PPFIA4: variants seen among roughly 807,000 people sequenced by gnomAD.
The protein encoded by PPFIA4 is PPFI scaffold protein A4.
In PPFIA4, 98 loss-of-function variants were observed where a neutral mutation model predicts 145.7. The ratio of observed to expected loss-of-function variants is 0.67; its 90% CI spans 0.57 to 0.80. The LOEUF is 0.80. PPFIA4 is among the 30% of genes least tolerant of loss of function. The pLI is 0.00. For missense variants in PPFIA4, 1,457 were observed against 1,632.7 expected (o/e 0.89, Z 1.85); for synonymous variants, 628 against 649.6 (o/e 0.97, Z 0.51).
intron 27 of PPFIA4, among the ~76,000 whole-genome samples, chr1:203,069,385 T>A (rs1179905595): frequency 6.6e-6 from 1 of 152,238 alleles, no homozygotes; most frequent in Non-Finnish European, 1.5e-5. Flanking sequence ...CTTGATGGTT[T>A]AGGTTTGGTA....
At chr1:203,059,336 G>C in intron 20 of PPFIA4, 65 bp downstream of exon 20, 1 of 1,343,660 alleles carries the variant, frequency 7.4e-7, no homozygotes, top group Non-Finnish European at 1.0e-6. Context: ...CCCTTCCCCT[G>C]GGCTGCTGTG....
chr1:203,037,819 C>G (rs1174941684), intron 1 of PPFIA4, among the ~76,000 whole-genome samples: 1 of 152,288 alleles, frequency 6.6e-6, no homozygotes, highest in Non-Finnish European at 1.5e-5. Flanking sequence ...GAGTGGCACC[C>G]TGCACCTCTA....
Position 203,056,392 on chromosome 1 carries a change from A to G in PPFIA4, c.2124A>G (p.Glu708=), listed in dbSNP as rs199926144. The change falls in exon 18 of 30, where the codon GAA becomes GAG. Residue 708 remains glutamate, a synonymous_variant. Transcript: ENST00000295706. ...RRKLLSPVSR[E]ENREDKATIK... ...CTGTTCAGTCGCCAGTGTCTCGGGA[A>G]GAGAACCGAGAGGATAAAGCCACCA... The G allele has an allele frequency of 3.1e-6, 5 of 1,613,954 alleles. No individual in the cohort carries two copies. The African/African-American group carries it at 4.0e-5, about 13-fold the overall frequency.
At chr1:203,033,907 C>T (rs953151509) in intron 1 of PPFIA4, among the ~76,000 whole-genome samples, 5 of 152,150 alleles carry the variant, frequency 3.3e-5, no homozygotes, top group South Asian at 2.1e-4. Context: ...CACTTGAACC[C>T]GGGAGGTGGC....
At chr1:203,064,050 C>T in intron 25 of PPFIA4, 47 bp downstream of exon 25, 1 of 1,583,036 alleles carries the variant, frequency 6.3e-7, no homozygotes, top group Non-Finnish European at 8.6e-7. Context: ...GGGGGCCTCC[C>T]CTAGCTCTGA....
At chr1:203,066,527 T>C (rs1046225342) in intron 25 of PPFIA4, among the ~76,000 whole-genome samples, 1 of 152,188 alleles carries the variant, frequency 6.6e-6, no homozygotes, top group Non-Finnish European at 1.5e-5. Flanking sequence ...CTACAGCTCT[T>C]CCAAGATGGA....
At chr1:203,044,669 C>T (rs768722443) in intron 5 of PPFIA4, 27 bp from the exon 6 acceptor site, 1 of 1,535,384 alleles carries the variant, frequency 6.5e-7, no homozygotes, top group South Asian at 1.2e-5. Context: ...CTCTTTGACT[C>T]ATTGCCCTGG....
At position 203,059,255 on chromosome 1, in the gene PPFIA4, C is replaced by T. The variant is rs896266327; in HGVS notation, c.2485C>T (p.Arg829Trp). The T allele has an allele frequency of 9.1e-6, 14 of 1,536,470 alleles. No individual in the cohort carries two copies. In the East Asian group the frequency reaches 9.5e-5, roughly 10 times the overall value. Reference protein sequence around the residue: ...AKLGTQAEKDRRLKKKHQLLE... With the variant: ...AKLGTQAEKDWRLKKKHQLLE... ...GCTGGGGACCCAGGCAGAGAAGGAC[C>T]GGCGGCTAAAGAAGAAGTAAGAGCC... The change falls in exon 20 of 30, where the codon CGG becomes TGG. Residue 829 changes from arginine (R) to tryptophan (W), a missense_variant. Around this residue, in one of 3 missense-constraint regions of PPFIA4, gnomAD observed 848 missense variants for 1,046.7 expected, o/e 0.81. Transcript: ENST00000295706.
intron 28 of PPFIA4, among the ~76,000 whole-genome samples, chr1:203,074,710 T>G (rs143115048): frequency 2.4e-4 from 36 of 152,066 alleles, no homozygotes; most frequent in African/African-American, 8.7e-4. Flanking sequence ...GGAGGGAGAT[T>G]GGGCATGGCT....
intron 1 of PPFIA4, chr1:203,037,318 A>G (rs954963535): frequency 6.0e-6 from 1 of 166,286 alleles, no homozygotes. Flanking sequence ...GTCCACCCTG[A>G]CCCTCCTAGT....
Position 203,039,113 on chromosome 1 carries a change from C to T in PPFIA4, c.105C>T (p.Asp35=), listed in dbSNP as rs561732914. Residue 35 remains aspartate, a synonymous_variant, in exon 2 of 30, where the codon GAC becomes GAT. Coordinates refer to ENST00000295706, the MANE Select transcript of PPFIA4 (RefSeq NM_001304331.2). ...AGCAGCTGATGGTGAACATGCTGGA[C>T]GAGCGGGAGAAGTTGCTGGAGTCTC... ...NFEQLMVNML[D]EREKLLESLR... is the part of the protein sequence containing the mutation. The T allele has an allele frequency of 2.1e-5, 34 of 1,607,906 alleles. No individual in the cohort carries two copies. Among genetic ancestry groups the T allele is most frequent in the Admixed American group, 1.2e-4 (7 of 59,254 alleles).
At chr1:203,049,374 C>T (rs921950119) in intron 12 of PPFIA4, among the ~76,000 whole-genome samples, 27 of 152,320 alleles carry the variant, frequency 1.8e-4, no homozygotes, top group African/African-American at 6.3e-4. Flanking sequence ...TGCCCAGCCT[C>T]ATCTGCTGTG....
In PPFIA4 at chr1:203,056,840, T is replaced by G. The variant is rs1245926648; in HGVS notation, c.2297T>G (p.Leu766Arg). ...PSSSNSSQDS[L>R]HKGAKRKGIK... ...AGCAGCAACAGCAGCCAGGACTCCC[T>G]GCACAAGGGCGCCAAGCGCAAGGGC... Residue 766 changes from leucine (L) to arginine (R), a missense_variant, in exon 19 of 30, where the codon CTG becomes CGG. Around this residue, in one of 3 missense-constraint regions of PPFIA4, gnomAD observed 848 missense variants for 1,046.7 expected, o/e 0.81. Coordinates refer to ENST00000295706, the MANE Select transcript of PPFIA4 (RefSeq NM_001304331.2). The G allele has an allele frequency of 1.9e-6, 3 of 1,614,058 alleles. No individual in the cohort carries two copies. In the South Asian group the frequency reaches 3.3e-5, roughly 18 times the overall value.
intron 9 of PPFIA4, among the ~76,000 whole-genome samples, chr1:203,046,793 G>C (rs571030253): frequency 1.3e-5 from 2 of 151,948 alleles, no homozygotes; most frequent in African/African-American, 4.8e-5. Context: ...ATATATCCCT[G>C]AAGGGCAAAG....
intron 15 of PPFIA4, among the ~76,000 whole-genome samples, chr1:203,054,727 A>G (rs894826410): frequency 1.3e-5 from 2 of 151,794 alleles, no homozygotes; most frequent in South Asian, 2.1e-4. Context: ...GAGAGAGAGA[A>G]AGGTACAAAC....
At chr1:203,061,255 C>T in intron 23 of PPFIA4, 1 of 585,142 alleles carries the variant, frequency 1.7e-6, no homozygotes, top group Non-Finnish European at 3.0e-6. Flanking sequence ...CAGGAGGTCA[C>T]AAGCTTGCCC....
rs752215529 is a variant in PPFIA4, at chr1:203,070,694, TAG to T, written c.3325-991_3325-990del. On this transcript the variant is annotated intron_variant, in intron 27 of 29. Transcript: ENST00000295706. ...GAATGAGTTAATCTCCTGGGAGGCC[TAG>T]AGAGAGTCTGTATGCACACAGCCCA... Among the ~76,000 whole-genome samples the T allele has an allele frequency of 3.9e-5, 6 of 152,014 alleles. No homozygotes were observed. The East Asian group carries it at 1.2e-3, about 29-fold the overall frequency.
At chr1:203,033,040 C>A (rs1225768886) in intron 1 of PPFIA4, among the ~76,000 whole-genome samples, 1 of 152,192 alleles carries the variant, frequency 6.6e-6, no homozygotes, top group Non-Finnish European at 1.5e-5. Flanking sequence ...CCTTCCGTGT[C>A]CCCTGAATGA....
At chr1:203,028,619 T>C (rs1448179525) in intron 1 of PPFIA4, among the ~76,000 whole-genome samples, 1 of 151,854 alleles carries the variant, frequency 6.6e-6, no homozygotes, top group Non-Finnish European at 1.5e-5. Context: ...AGAAACAAGG[T>C]GTGGCAATTG....
Sources: allele counts gnomAD v4.1 joint callset (sites outside exome capture counted in the v4.1 genomes callset), GRCh38; gene constraint gnomAD v4.1.1; regional missense constraint gnomAD v4.1.1; transcripts MANE v1.5; gene names NCBI Gene and HGNC (gene_info 2026-07-23, HGNC 2026-07-21).